The following UPRT variants were observed in gnomAD, a reference collection of about 807,000 sequenced individuals.
UPRT encodes RP11-311P8.3.
A neutral mutation model predicts 22.6 loss-of-function variants in UPRT; 5 were observed. The observed-to-expected ratio is 0.22, with a 90% CI of 0.12 to 0.47. UPRT has a LOEUF of 0.47. Among genes scored for constraint, UPRT ranks in the 20% least tolerant of loss-of-function variants. The pLI is 0.99. For missense variants in UPRT, 181 were observed against 239.9 expected, an observed-to-expected ratio of 0.75 and a Z score of 1.62; for synonymous variants, 77 against 87.7, an observed-to-expected ratio of 0.88 and a Z score of 0.68.
At chrX:75,243,956 T>C (rs1235335270) in intron 4 of UPRT, among the ~76,000 whole-genome samples, 1 of 111,846 alleles carries the variant, frequency 8.9e-6, no homozygotes, top group Admixed American at 9.5e-5. Flanking sequence ...ACTTTTCAAA[T>C]GAGAGACCCT....
At chrX:75,183,346 A>G (rs769949243) in intron 4 of UPRT, among the ~76,000 whole-genome samples, 5 of 111,743 alleles carry the variant, frequency 4.5e-5, no homozygotes, top group Admixed American at 1.9e-4. Flanking sequence ...CACAAAGGAC[A>G]TGAACTCATC....
At position 75,293,525 on chromosome X, in the gene UPRT, G is replaced by C; in HGVS notation, c.429+11G>C. On this transcript the variant is annotated intron_variant, in intron 2 of 6. Coordinates refer to ENST00000373383, the MANE Select transcript of UPRT (RefSeq NM_145052.4). ...TCTGCGGATCGTTTGGTAGGTGGGGGCTTTTCATTTTCATTTCATTGTTTT... is the reference window on the plus strand; with the variant it reads ...TCTGCGGATCGTTTGGTAGGTGGGGCCTTTTCATTTTCATTTCATTGTTTT... 1 of 1,192,370 alleles carries C rather than the reference G, an allele frequency of 8.4e-7. No homozygotes were observed. The highest frequency in any genetic ancestry group is 1.1e-6 in the Non-Finnish European group (1 of 888,056).
chrX:75,251,869 G>T (rs1200831751), intron 4 of UPRT, among the ~76,000 whole-genome samples: 1 of 110,695 alleles, frequency 9.0e-6, no homozygotes, highest in African/African-American at 3.3e-5. Context: ...CAGAGATATA[G>T]ACCAATGGAA....
intron 4 of UPRT, among the ~76,000 whole-genome samples, chrX:75,242,158 T>C (rs966554279): frequency 4.5e-5 from 5 of 111,569 alleles, no homozygotes; most frequent in Non-Finnish European, 9.4e-5. Flanking sequence ...AAGATAGACA[T>C]ATGCAAGGTG....
intron 4 of UPRT, among the ~76,000 whole-genome samples, chrX:75,255,084 T>C (rs1336152280): frequency 9.0e-6 from 1 of 111,093 alleles, no homozygotes; most frequent in Non-Finnish European, 1.9e-5. Flanking sequence ...CAGGAAAGAA[T>C]CTTAAGAGCT....
intron 4 of UPRT, among the ~76,000 whole-genome samples, chrX:75,217,427 G>A (rs1052999883): frequency 6.3e-5 from 7 of 111,175 alleles, no homozygotes; most frequent in East Asian, 2.8e-4. Context: ...TTGATTCTTC[G>A]TACCCATGAG....
intron 4 of UPRT, among the ~76,000 whole-genome samples, chrX:75,174,217 G>A (rs1026428790): frequency 7.1e-5 from 8 of 112,009 alleles, no homozygotes; most frequent in Admixed American, 9.4e-5. Context: ...GCCAATGACC[G>A]CTCTAGCTAC....
intron 4 of UPRT, among the ~76,000 whole-genome samples, chrX:75,236,623 C>A (rs988874544): frequency 3.6e-5 from 4 of 111,417 alleles, no homozygotes; most frequent in Non-Finnish European, 5.7e-5. Context: ...GGAACAGAAC[C>A]GAGCCCTCTG....
At chrX:75,176,094 C>A (rs2082245786) in intron 4 of UPRT, among the ~76,000 whole-genome samples, 1 of 111,219 alleles carries the variant, frequency 9.0e-6, no homozygotes, top group African/African-American at 3.3e-5. Context: ...TCGAGGAAGG[C>A]AGAAGGATTT....
intron 4 of UPRT, among the ~76,000 whole-genome samples, chrX:75,195,789 C>T (rs1478588058): frequency 8.9e-6 from 1 of 112,055 alleles, no homozygotes; most frequent in Non-Finnish European, 1.9e-5. Context: ...CAGTGTCTTC[C>T]TCTGAAGATC....
chrX:75,234,825 G>C (rs1309076729), intron 4 of UPRT, among the ~76,000 whole-genome samples: 3 of 111,259 alleles, frequency 2.7e-5, no homozygotes, highest in South Asian at 3.9e-4. Flanking sequence ...ATGCCCACAA[G>C]AGAAAGCAGG....
intron 4 of UPRT, among the ~76,000 whole-genome samples, chrX:75,231,212 A>G (rs1017075142): frequency 8.9e-6 from 1 of 111,899 alleles, no homozygotes; most frequent in African/African-American, 3.2e-5. Flanking sequence ...ATAACAAAAT[A>G]TGGATGAAAA....
intron 4 of UPRT, among the ~76,000 whole-genome samples, chrX:75,251,158 G>C (rs746492924): frequency 4.5e-5 from 5 of 111,333 alleles, no homozygotes; most frequent in Non-Finnish European, 9.4e-5. Flanking sequence ...GTACAAGTCA[G>C]GGATGCCCTC....
intron 4 of UPRT, among the ~76,000 whole-genome samples, chrX:75,247,807 A>G (rs912822132): frequency 2.1e-4 from 23 of 112,173 alleles, no homozygotes; most frequent in Non-Finnish European, 4.3e-4. Flanking sequence ...GAGTAGCCTA[A>G]CTAGGAGGCA....
intron 4 of UPRT, among the ~76,000 whole-genome samples, chrX:75,248,577 G>A (rs915463170): frequency 1.1e-4 from 12 of 111,908 alleles, no homozygotes; most frequent in Non-Finnish European, 1.9e-4. Flanking sequence ...CCAAATCTAC[G>A]TCTGATTGGT....
At chrX:75,156,408 G>C (rs1195294792) in exon 1 of UPRT, 1 of 712,594 alleles carries the variant, frequency 1.4e-6, no homozygotes, top group East Asian at 3.5e-5. Context: ...TGAAGATTCG[G>C]ATGCATTCGC....
At chrX:75,217,589 T>A (rs2082396938) in intron 4 of UPRT, among the ~76,000 whole-genome samples, 1 of 112,265 alleles carries the variant, frequency 8.9e-6, no homozygotes, top group African/African-American at 3.2e-5. Flanking sequence ...AGTTCACTCC[T>A]GATTTGGCTC....
chrX:75,222,603 T>C (rs1200738496), intron 4 of UPRT, among the ~76,000 whole-genome samples: 1 of 111,130 alleles, frequency 9.0e-6, no homozygotes, highest in Non-Finnish European at 1.9e-5. Context: ...AAGATTCTCT[T>C]CCCATGGCCA....
chrX:75,206,344 G>A (rs937501180), intron 4 of UPRT, among the ~76,000 whole-genome samples: 4 of 110,794 alleles, frequency 3.6e-5, no homozygotes, highest in Non-Finnish European at 5.7e-5. Context: ...AGGTGCCCTC[G>A]GGCCTGATGT....
Sources: allele counts gnomAD v4.1 joint callset (sites outside exome capture counted in the v4.1 genomes callset), GRCh38; gene constraint gnomAD v4.1.1; transcripts MANE v1.5; gene names NCBI Gene and HGNC (gene_info 2026-07-23, HGNC 2026-07-21).